The following PDE10A variants were observed in gnomAD, a reference collection of about 807,000 sequenced individuals.
The protein encoded by PDE10A is cAMP and cAMP-inhibited cGMP 3',5'-cyclic phosphodiesterase 10A.
Under a neutral mutation model 97.7 loss-of-function variants are expected in PDE10A, and 39 were observed. The ratio of observed to expected loss-of-function variants is 0.40; its 90% CI spans 0.31 to 0.52. The LOEUF (loss-of-function observed/expected upper bound fraction) is 0.52, where lower values mean the gene tolerates loss of function less well. Ranked by LOEUF, PDE10A falls within the 20% of genes least tolerant of loss-of-function variation. The pLI is 0.56. For missense variants in PDE10A, 731 were observed against 1,047.8 expected (o/e 0.70, Z 4.17); for synonymous variants, 371 against 376.8 (o/e 0.98, Z 0.18).
intron 1 of PDE10A, among the ~76,000 whole-genome samples, chr6:165,826,891 A>G (rs1779774652): frequency 6.6e-6 from 1 of 151,416 alleles, no homozygotes; most frequent in South Asian, 2.1e-4. Flanking sequence ...GAGAGAGGAC[A>G]AAGTGGGTCA....
At chr6:165,377,898 A>G (rs1215659403) in intron 18 of PDE10A, among the ~76,000 whole-genome samples, 1 of 152,174 alleles carries the variant, frequency 6.6e-6, no homozygotes, top group African/African-American at 2.4e-5. Context: ...TTTCCCTGAT[A>G]CCATCCCTCT....
At chr6:165,902,745 A>G (rs573080481) in intron 1 of PDE10A, among the ~76,000 whole-genome samples, 1 of 152,202 alleles carries the variant, frequency 6.6e-6, no homozygotes, top group African/African-American at 2.4e-5. Context: ...AGGTATCAGC[A>G]TTGTTTCTGG....
At chr6:165,688,368 CG>C (rs1791180685) in intron 1 of PDE10A, among the ~76,000 whole-genome samples, 1 of 152,136 alleles carries the variant, frequency 6.6e-6, no homozygotes, top group Admixed American at 6.5e-5. Flanking sequence ...ATTTCAAATC[CG>C]AAGGTTCATC....
intron 2 of PDE10A, among the ~76,000 whole-genome samples, chr6:165,488,029 C>CAAA (rs58319021): frequency 1.4e-3 from 118 of 83,344 alleles, no homozygotes; most frequent in African/African-American, 3.0e-3. Flanking sequence ...AACAAATTGG[C>CAAA]AAAAAAAAAA....
chr6:165,435,142 A>G, intron 6 of PDE10A, 95 bp downstream of exon 6: 1 of 1,126,782 alleles, frequency 8.9e-7, no homozygotes, highest in Non-Finnish European at 1.3e-6. Context: ...TTTTAAAATG[A>G]AACTATTTAA....
At position 165,332,084 on chromosome 6, in the gene PDE10A, G is replaced by A. The variant is rs1021364460; in HGVS notation, c.*941C>T. On this transcript the variant is annotated 3_prime_UTR_variant, in exon 22 of 22. Transcript: ENST00000539869. Reference sequence around the variant, plus strand: ...ATGTTTAAAATAAACTTTTCATTGTGAATGAGAGTCTAAAATTCTGCAATG... The same window carrying A: ...ATGTTTAAAATAAACTTTTCATTGTAAATGAGAGTCTAAAATTCTGCAATG... 1 of 152,096 alleles carries A rather than the reference G, an allele frequency of 6.6e-6. No individual in the cohort carries two copies. The highest frequency in any genetic ancestry group is 2.4e-5 in the African/African-American group (1 of 41,422). 9.4% of individuals were successfully genotyped at this position (152,096 alleles called of 1,614,324 possible).
intron 18 of PDE10A, among the ~76,000 whole-genome samples, chr6:165,356,969 AG>A (rs1783066964): frequency 6.6e-6 from 1 of 152,164 alleles, no homozygotes; most frequent in African/African-American, 2.4e-5. Flanking sequence ...AGAACTAGAC[AG>A]AGGGGGTATT....
At chr6:165,954,154 C>G (rs1326181781) in intron 1 of PDE10A, among the ~76,000 whole-genome samples, 1 of 152,150 alleles carries the variant, frequency 6.6e-6, no homozygotes, top group African/African-American at 2.4e-5. Flanking sequence ...ATTTACCTAA[C>G]CGAGGGTATC....
chr6:165,329,543 A>G lies in PDE10A; in HGVS notation c.*3482T>C, dbSNP rs1377758554. The G allele has an allele frequency of 6.6e-6, 1 of 152,242 alleles. No individual in the cohort carries two copies. Among genetic ancestry groups the G allele is most frequent in the East Asian group, 1.9e-4 (1 of 5,196 alleles). 9.4% of individuals were successfully genotyped at this position (152,242 alleles called of 1,614,324 possible). On this transcript the variant is annotated 3_prime_UTR_variant, in exon 22 of 22. Transcript: ENST00000539869. ...TTAAAAGACCAGAAACACAATACCC[A>G]AACCTAAACCTATTAAAAAACCCAG...
intron 1 of PDE10A, among the ~76,000 whole-genome samples, chr6:165,970,483 A>C (rs1784635314): frequency 6.6e-6 from 1 of 151,958 alleles, no homozygotes; most frequent in South Asian, 2.1e-4. Context: ...GTTTTATATA[A>C]GTTTGAGATC....
intron 5 of PDE10A, among the ~76,000 whole-genome samples, chr6:165,444,024 G>A (rs1790664068): frequency 6.6e-6 from 1 of 152,142 alleles, no homozygotes; most frequent in Admixed American, 6.5e-5. Context: ...ACACGGTCAG[G>A]CTACAAATAT....
chr6:165,689,369 G>T (rs990712208), intron 1 of PDE10A, among the ~76,000 whole-genome samples: 1 of 152,134 alleles, frequency 6.6e-6, no homozygotes. Flanking sequence ...GGTTCCCAGG[G>T]TTAAATGAGG....
At chr6:165,614,845 T>TAA (rs756553279) in intron 1 of PDE10A, among the ~76,000 whole-genome samples, 2,702 of 149,330 alleles carry the variant, frequency 0.018, 63 homozygotes, top group African/African-American at 0.064. Flanking sequence ...AGGCATTCAA[T>TAA]TAAAAAAAAA....
chr6:165,360,672 C>T (rs1783349767), intron 18 of PDE10A, among the ~76,000 whole-genome samples: 1 of 152,124 alleles, frequency 6.6e-6, no homozygotes, highest in Non-Finnish European at 1.5e-5. Context: ...TGAGACAAAT[C>T]TCAAATAACC....
chr6:165,519,288 A>G (rs1757327061), intron 2 of PDE10A, among the ~76,000 whole-genome samples: 1 of 152,188 alleles, frequency 6.6e-6, no homozygotes, highest in Non-Finnish European at 1.5e-5. Flanking sequence ...TGGGTTTTGA[A>G]TAAATTGAGA....
At chr6:165,746,402 C>T (rs141070048) in intron 1 of PDE10A, among the ~76,000 whole-genome samples, 36 of 152,340 alleles carry the variant, frequency 2.4e-4, no homozygotes, top group South Asian at 4.1e-4. Context: ...TAGCATTGAA[C>T]AAGCTGGTCA....
At chr6:165,707,501 C>CA (rs1791743214) in intron 1 of PDE10A, among the ~76,000 whole-genome samples, 1 of 152,222 alleles carries the variant, frequency 6.6e-6, no homozygotes, top group African/African-American at 2.4e-5. Flanking sequence ...TTAACTACGG[C>CA]AGCCCCACGT....
intron 1 of PDE10A, among the ~76,000 whole-genome samples, chr6:165,756,050 A>C (rs1458105453): frequency 2.0e-5 from 3 of 152,158 alleles, no homozygotes; most frequent in Admixed American, 1.3e-4. Flanking sequence ...CCCGCACTGA[A>C]TGCAGCCCAA....
At chr6:165,958,747 G>GAAAGGAAGAAAGAAAGAA (rs10654760) in intron 1 of PDE10A, among the ~76,000 whole-genome samples, 1 of 106,134 alleles carries the variant, frequency 9.4e-6, no homozygotes, top group Non-Finnish European at 2.0e-5. Flanking sequence ...AAGAAAGAAA[G>GAAAGGAAGAAAGAAAGAA]AGAAAGAAAG....
Sources: allele counts gnomAD v4.1 joint callset (sites outside exome capture counted in the v4.1 genomes callset), GRCh38; gene constraint gnomAD v4.1.1; transcripts MANE v1.5; gene names NCBI Gene and HGNC (gene_info 2026-07-23, HGNC 2026-07-21).